Variants in CYYR1 observed in about 807,000 individuals in gnomAD.
The protein encoded by CYYR1 is cysteine and tyrosine rich 1, also known as cysteine and tyrosine-rich protein 1.
CYYR1 carries 14 observed loss-of-function variants against 15.2 expected under a neutral mutation model. The ratio of observed to expected loss-of-function variants is 0.92; its 90% CI spans 0.61 to 1.44. The LOEUF (loss-of-function observed/expected upper bound fraction) is 1.44. Among genes scored for constraint, CYYR1 ranks in the 40% most tolerant of loss-of-function variants. CYYR1 has a pLI of 0.00. For synonymous variants in CYYR1, 80 were observed against 77.4 expected (o/e 1.03, Z -0.18); for missense variants, 228 against 209.5 (o/e 1.09, Z -0.54).
intron 3 of CYYR1, among the ~76,000 whole-genome samples, chr21:26,479,656 C>T (rs1472306074): frequency 6.6e-6 from 1 of 151,970 alleles, no homozygotes; most frequent in African/African-American, 2.4e-5. Context: ...ATTGCCCTTG[C>T]TCTTTGTTGA....
chr21:26,551,763 G>A, intron 2 of CYYR1: 1 of 234,102 alleles, frequency 4.3e-6, no homozygotes, highest in Non-Finnish European at 8.5e-6. Flanking sequence ...TGAAAATGCT[G>A]TGAACACTGT....
chr21:26,546,972 G>A (rs1371443796), intron 2 of CYYR1, among the ~76,000 whole-genome samples: 3 of 152,106 alleles, frequency 2.0e-5, no homozygotes, highest in Non-Finnish European at 4.4e-5. Context: ...CAATGAAGGC[G>A]GAAGTGGCCC....
chr21:26,506,415 AT>A (rs1462300807), intron 2 of CYYR1, among the ~76,000 whole-genome samples: 2 of 152,082 alleles, frequency 1.3e-5, no homozygotes, highest in African/African-American at 2.4e-5. Flanking sequence ...AAATACTGTT[AT>A]TTTTGACTGT....
chr21:26,566,318 C>CTGTGCAA lies in CYYR1; in HGVS notation c.123_124insTTGCACA (p.Gly42LeufsTer156). On this transcript the variant is annotated frameshift_variant, in exon 2 of 4. Coordinates refer to ENST00000652641, the MANE Select transcript of CYYR1 (RefSeq NM_001320768.2). LOFTEE classifies it high-confidence loss of function. ...TAGGAGCAACAGTAGGGCGTGGTTCCATCACAGCAGTAAGATTTGCAATCT... is the reference window on the plus strand; with the variant it reads ...TAGGAGCAACAGTAGGGCGTGGTTCCTGTGCAAATCACAGCAGTAAGATTTGCAATCT... The CTGTGCAA allele has an allele frequency of 6.2e-7, 1 of 1,613,868 alleles. No homozygotes were observed. The highest frequency in any genetic ancestry group is 8.5e-7 in the Non-Finnish European group (1 of 1,179,870).
At chr21:26,545,870 A>G (rs1978940606) in intron 2 of CYYR1, among the ~76,000 whole-genome samples, 1 of 152,018 alleles carries the variant, frequency 6.6e-6, no homozygotes, top group Non-Finnish European at 1.5e-5. Context: ...GTTTATTCTT[A>G]ATTAAATAAG....
intron 2 of CYYR1, among the ~76,000 whole-genome samples, chr21:26,536,898 A>G (rs577285413): frequency 6.6e-6 from 1 of 152,310 alleles, no homozygotes; most frequent in African/African-American, 2.4e-5. Context: ...ATAAACATTT[A>G]CTGAGCACCT....
rs1321054718 is a variant in CYYR1, at chr21:26,573,232, C to A, written c.-292G>T. On this transcript the variant is annotated 5_prime_UTR_variant, in exon 1 of 4. Coordinates refer to ENST00000652641, the MANE Select transcript of CYYR1 (RefSeq NM_001320768.2). ...TCAGGCGCGGGGAAGGCGGCCACTC[C>A]GGCGTCCTTGGCCACCCAGGCTCAC... The A allele has an allele frequency of 7.1e-7, 1 of 1,398,694 alleles. No individual in the cohort carries two copies. Among genetic ancestry groups the A allele is most frequent in the South Asian group, 1.2e-5 (1 of 81,378 alleles). 86.6% of individuals were successfully genotyped at this position (1,398,694 alleles called of 1,614,324 possible).
chr21:26,529,811 A>C (rs2065908855), intron 2 of CYYR1, among the ~76,000 whole-genome samples: 1 of 152,174 alleles, frequency 6.6e-6, no homozygotes. Context: ...TGTTTGCTGG[A>C]ATGATGGAGG....
intron 2 of CYYR1, among the ~76,000 whole-genome samples, chr21:26,517,101 C>A (rs1226773400): frequency 2.0e-5 from 2 of 100,170 alleles, no homozygotes; most frequent in African/African-American, 8.3e-5. Flanking sequence ...GGCGACAGAG[C>A]GAGACTCCGT....
intron 2 of CYYR1, among the ~76,000 whole-genome samples, chr21:26,537,731 G>A (rs1978318186): frequency 6.6e-6 from 1 of 152,034 alleles, no homozygotes; most frequent in African/African-American, 2.4e-5. Flanking sequence ...GAGTGCTATG[G>A]TCCGAATATT....
At chr21:26,523,991 C>A (rs959008527) in intron 2 of CYYR1, among the ~76,000 whole-genome samples, 1 of 152,100 alleles carries the variant, frequency 6.6e-6, no homozygotes, top group African/African-American at 2.4e-5. Flanking sequence ...TTTTGTGAGA[C>A]AGTTAGCATC....
intron 2 of CYYR1, among the ~76,000 whole-genome samples, chr21:26,534,654 T>C (rs1306246426): frequency 1.3e-5 from 2 of 152,156 alleles, no homozygotes; most frequent in Non-Finnish European, 2.9e-5. Context: ...ATCCTCTTCC[T>C]ATACCTACTG....
At chr21:26,471,965 G>C (rs761116795) in intron 3 of CYYR1, among the ~76,000 whole-genome samples, 4 of 152,072 alleles carry the variant, frequency 2.6e-5, no homozygotes, top group African/African-American at 4.8e-5. Flanking sequence ...TACCCACTCA[G>C]GCCAATATTT....
At chr21:26,561,749 C>T (rs936927226) in intron 2 of CYYR1, among the ~76,000 whole-genome samples, 8 of 152,044 alleles carry the variant, frequency 5.3e-5, no homozygotes, top group Non-Finnish European at 1.2e-4. Flanking sequence ...AAATTAAATG[C>T]GATATATTGT....
intron 2 of CYYR1, among the ~76,000 whole-genome samples, chr21:26,491,333 C>G (rs1193814273): frequency 6.6e-6 from 1 of 152,000 alleles, no homozygotes; most frequent in African/African-American, 2.4e-5. Context: ...CTTTCTGTAC[C>G]TTTTTGTCAT....
intron 2 of CYYR1, among the ~76,000 whole-genome samples, chr21:26,523,556 G>C (rs2065828292): frequency 6.6e-6 from 1 of 152,062 alleles, no homozygotes; most frequent in African/African-American, 2.4e-5. Flanking sequence ...ACTTCTTTCT[G>C]CCTACTATCT....
intron 2 of CYYR1, among the ~76,000 whole-genome samples, chr21:26,527,888 T>C (rs2065886322): frequency 1.3e-5 from 2 of 152,228 alleles, no homozygotes; most frequent in Admixed American, 6.5e-5. Flanking sequence ...TAAGCCATCA[T>C]TACCTTTTTA....
intron 2 of CYYR1, among the ~76,000 whole-genome samples, chr21:26,531,269 A>G (rs984816985): frequency 2.6e-5 from 4 of 152,128 alleles, no homozygotes; most frequent in African/African-American, 9.7e-5. Flanking sequence ...CTATTGCAAG[A>G]TTGTGTTATT....
At chr21:26,561,797 T>C (rs1253105422) in intron 2 of CYYR1, among the ~76,000 whole-genome samples, 1 of 152,216 alleles carries the variant, frequency 6.6e-6, no homozygotes, top group Non-Finnish European at 1.5e-5. Context: ...CAATATTTTG[T>C]TCATATTCAG....
Sources: allele counts gnomAD v4.1 joint callset (sites outside exome capture counted in the v4.1 genomes callset), GRCh38; gene constraint gnomAD v4.1.1; transcripts MANE v1.5; gene names NCBI Gene and HGNC (gene_info 2026-07-23, HGNC 2026-07-21).